The following MATN2 variants were observed in gnomAD, a reference collection of about 807,000 sequenced individuals.
The protein encoded by MATN2 is matrilin 2.
A neutral mutation model predicts 103.2 loss-of-function variants in MATN2; 69 were observed. The observed-to-expected ratio is 0.67, with a 90% CI of 0.55 to 0.82. The LOEUF (loss-of-function observed/expected upper bound fraction) is 0.82. Ranked by LOEUF, MATN2 falls within the 40% of genes least tolerant of loss-of-function variation. The probability of loss-of-function intolerance (pLI) is 0.00; values close to 1 mark genes in which losing one functional copy is unlikely to be tolerated. For synonymous variants in MATN2, 429 were observed against 450.2 expected, an observed-to-expected ratio of 0.95 and a Z score of 0.60; for missense variants, 1,023 against 1,211.5, an observed-to-expected ratio of 0.84 and a Z score of 2.31.
intron 11 of MATN2, among the ~76,000 whole-genome samples, 181 bp downstream of exon 11, chr8:98,016,843 T>A (rs1813380960): frequency 1.3e-5 from 2 of 152,254 alleles, no homozygotes; most frequent in South Asian, 4.1e-4. Flanking sequence ...TAAGTAAATG[T>A]CAATAAAATA....
chr8:97,872,105 A>G (rs914853342), intron 1 of MATN2, among the ~76,000 whole-genome samples: 2 of 152,176 alleles, frequency 1.3e-5, no homozygotes, highest in African/African-American at 4.8e-5. Context: ...TATACTTACT[A>G]TTATTGTCTG....
intron 1 of MATN2, among the ~76,000 whole-genome samples, chr8:97,872,480 C>G (rs954197747): frequency 6.6e-6 from 1 of 152,140 alleles, no homozygotes; most frequent in Non-Finnish European, 1.5e-5. Context: ...TTAAAACAAC[C>G]CTAAGATGTT....
intron 6 of MATN2, among the ~76,000 whole-genome samples, chr8:97,993,976 C>A (rs2130353974): frequency 6.7e-6 from 1 of 150,314 alleles, no homozygotes; most frequent in South Asian, 2.1e-4. Flanking sequence ...TGTAATATGT[C>A]AGGAAGTTTG....
At position 98,011,405 on chromosome 8, in the gene MATN2, G is replaced by C. The variant is rs141048640; in HGVS notation, c.1573+3804G>C. On this transcript the variant is annotated intron_variant, in intron 10 of 18. Coordinates refer to ENST00000254898, the MANE Select transcript of MATN2 (RefSeq NM_002380.5). ...CTTGATGCAACAGAAGGAAACTAGA[G>C]ATTTTCCCTTATTTTGTGGGAAACG... is the stretch of plus-strand genomic sequence containing the variant. 8.6e-3 allele frequency among the ~76,000 whole-genome samples: 1,304 copies of C among 152,276 alleles called. 21 individuals carry two copies. Among genetic ancestry groups the C allele is most frequent in the African/African-American group, 0.03 (1,240 of 41,562 alleles).
At position 98,016,656 on chromosome 8, in the gene MATN2, T is replaced by C. The variant is rs755846243; in HGVS notation, c.1690T>C (p.Cys564Arg). The change falls in exon 11 of 19, where the codon TGC becomes CGC. Residue 564 changes from cysteine (C) to arginine (R), a missense_variant. By Grantham distance (180) the Cys-to-Arg change is radical. Transcript: ENST00000254898. ...TATACTCCGTGAAGATGGAAAAACC[T>C]GCAGAAGTAAGTTTGTACTGGAGCT... ...GYILREDGKT[C>R]RRKDVCQAID... The C allele has an allele frequency of 4.3e-6, 7 of 1,611,304 alleles. No individual in the cohort carries two copies. Among genetic ancestry groups the C allele is most frequent in the Non-Finnish European group, 5.9e-6 (7 of 1,178,476 alleles).
chr8:98,012,840 G>A (rs908759266), intron 10 of MATN2, among the ~76,000 whole-genome samples: 1 of 152,098 alleles, frequency 6.6e-6, no homozygotes, highest in African/African-American at 2.4e-5. Context: ...GAAGGTTCAG[G>A]GACATTGGGA....
At chr8:98,016,507 C>T (rs1813360025) in intron 10 of MATN2, 33 bp from the exon 11 acceptor site, 2 of 1,582,640 alleles carry the variant, frequency 1.3e-6, no homozygotes, top group African/African-American at 1.3e-5. Context: ...TCATTTTCTT[C>T]TTCTGTTTCT....
At chr8:97,967,815 T>C (rs1019910165) in intron 5 of MATN2, among the ~76,000 whole-genome samples, 5 of 152,216 alleles carry the variant, frequency 3.3e-5, no homozygotes, top group Non-Finnish European at 5.9e-5. Context: ...GTGGCCCCCT[T>C]CTCACAGCTC....
At chr8:97,984,813 A>G (rs60346298) in intron 6 of MATN2, among the ~76,000 whole-genome samples, 14,165 of 152,224 alleles carry the variant, frequency 0.093, 931 homozygotes, top group Admixed American at 0.19. Context: ...CAGACCAAAA[A>G]GAAACCCCAC....
chr8:97,958,429 A>G (rs10103768), intron 4 of MATN2, among the ~76,000 whole-genome samples: 4,437 of 152,350 alleles, frequency 0.029, 102 homozygotes, highest in Non-Finnish European at 0.049. Flanking sequence ...CTTAGAGTCT[A>G]GTAAGAGAGA....
At chr8:97,889,915 C>A (rs924571793) in intron 2 of MATN2, among the ~76,000 whole-genome samples, 1 of 152,162 alleles carries the variant, frequency 6.6e-6, no homozygotes, top group Admixed American at 6.6e-5. Context: ...GACCACATCA[C>A]CCCCACCTTC....
chr8:97,983,612 G>A (rs1163166619), intron 6 of MATN2, among the ~76,000 whole-genome samples: 1 of 152,200 alleles, frequency 6.6e-6, no homozygotes, highest in Non-Finnish European at 1.5e-5. Context: ...CTGTAAGGAT[G>A]AATAAAGGCA....
intron 5 of MATN2, among the ~76,000 whole-genome samples, chr8:97,966,382 C>A (rs1811480856): frequency 6.6e-6 from 1 of 151,528 alleles, no homozygotes; most frequent in Non-Finnish European, 1.5e-5. Flanking sequence ...AAAGCAAGAC[C>A]CTATATCTAC....
chr8:97,877,131 C>T (rs1173372931), intron 1 of MATN2, among the ~76,000 whole-genome samples: 1 of 151,744 alleles, frequency 6.6e-6, no homozygotes, highest in Non-Finnish European at 1.5e-5. Flanking sequence ...CTCAGCCTCC[C>T]GAGTAGCTGG....
intron 4 of MATN2, among the ~76,000 whole-genome samples, chr8:97,953,670 C>T (rs1317082706): frequency 6.6e-6 from 1 of 152,086 alleles, no homozygotes; most frequent in Non-Finnish European, 1.5e-5. Flanking sequence ...CCTGTAATCC[C>T]AGCTACTCAG....
At chr8:97,986,588 G>A (rs1186260304) in intron 6 of MATN2, among the ~76,000 whole-genome samples, 1 of 152,178 alleles carries the variant, frequency 6.6e-6, no homozygotes, top group Non-Finnish European at 1.5e-5. Flanking sequence ...TCTCCATCTA[G>A]GTTGCTGCAA....
chr8:97,908,476 C>T (rs1046207289), intron 2 of MATN2, among the ~76,000 whole-genome samples: 7 of 152,174 alleles, frequency 4.6e-5, no homozygotes, highest in African/African-American at 1.7e-4. Flanking sequence ...CTTCTCATCT[C>T]TGGGCCTAAA....
At chr8:97,967,013 G>C (rs1237211124) in intron 5 of MATN2, among the ~76,000 whole-genome samples, 1 of 152,204 alleles carries the variant, frequency 6.6e-6, no homozygotes, top group African/African-American at 2.4e-5. Flanking sequence ...AGAAGGTGAA[G>C]GCGGAGCAGG....
chr8:97,883,216 C>T (rs545779484), intron 1 of MATN2, among the ~76,000 whole-genome samples: 8 of 146,326 alleles, frequency 5.5e-5, no homozygotes, highest in South Asian at 4.3e-4. Flanking sequence ...ACCCAGGAGG[C>T]GGAGGTTGCA....
Sources: gnomAD v4.1 joint callset for allele counts (sites outside exome capture counted in the v4.1 genomes callset) on GRCh38, gnomAD v4.1.1 for gene constraint, MANE v1.5 for transcripts, NCBI Gene and HGNC (gene_info 2026-07-23, HGNC 2026-07-21) for gene names.